IMPG1: variants seen among roughly 807,000 people sequenced by gnomAD.
IMPG1 encodes the protein interphotoreceptor matrix proteoglycan 1, also known as interphotoreceptor matrix proteoglycan of 150 kDa.
A neutral mutation model predicts 92.0 loss-of-function variants in IMPG1; 85 were observed. The observed-to-expected ratio is 0.92, with a 90% CI of 0.78 to 1.11. The LOEUF is 1.11. Among genes scored for constraint, IMPG1 ranks in the 50% least tolerant of loss-of-function variants. IMPG1 has a pLI of 0.00. For missense variants in IMPG1, 1,022 were observed against 956.0 expected (o/e 1.07, Z -0.91); for synonymous variants, 367 against 334.1 (o/e 1.10, Z -1.08).
chr6:75,979,583 C>T (rs144009010), intron 12 of IMPG1, among the ~76,000 whole-genome samples: 52 of 152,310 alleles, frequency 3.4e-4, no homozygotes, highest in Admixed American at 9.8e-4. Context: ...CTGAGAAAGG[C>T]AGGTCTACTA....
intron 13 of IMPG1, among the ~76,000 whole-genome samples, chr6:75,947,857 TAAA>T (rs5877465): frequency 2.7e-5 from 4 of 147,162 alleles, no homozygotes; most frequent in African/African-American, 1.0e-4. Flanking sequence ...GTTCAGTTAT[TAAA>T]AAAAAAAAAA....
At chr6:75,998,622 GA>G (rs963812443) in intron 12 of IMPG1, among the ~76,000 whole-genome samples, 6 of 152,180 alleles carry the variant, frequency 3.9e-5, no homozygotes, top group Admixed American at 2.0e-4. Context: ...TGTTGCAAGT[GA>G]AAAAGTCTGC....
intron 14 of IMPG1, among the ~76,000 whole-genome samples, chr6:75,945,180 C>T (rs1781904267): frequency 6.6e-6 from 1 of 152,126 alleles, no homozygotes; most frequent in African/African-American, 2.4e-5. Context: ...TTGCTGGTAC[C>T]TTAAGCAGGT....
At chr6:75,978,245 T>C (rs919710474) in intron 12 of IMPG1, among the ~76,000 whole-genome samples, 1 of 152,210 alleles carries the variant, frequency 6.6e-6, no homozygotes, top group African/African-American at 2.4e-5. Context: ...GTTCTCCCTC[T>C]TCTGCTTTGT....
intron 1 of IMPG1, among the ~76,000 whole-genome samples, chr6:76,047,467 G>T (rs189677302): frequency 2.0e-5 from 3 of 152,308 alleles, no homozygotes; most frequent in Non-Finnish European, 4.4e-5. Flanking sequence ...GGACATAGCT[G>T]TAAATGAGAT....
intron 12 of IMPG1, among the ~76,000 whole-genome samples, chr6:75,969,887 T>G (rs1474376493): frequency 2.0e-5 from 3 of 152,096 alleles, no homozygotes; most frequent in Non-Finnish European, 4.4e-5. Context: ...TTTCTATTAT[T>G]AATAATAACA....
Position 76,041,987 on chromosome 6 carries a change from T to G in IMPG1, c.207A>C (p.Lys69Asn), listed in dbSNP as rs1436064744. 1 of 1,613,928 alleles carries G rather than the reference T, an allele frequency of 6.2e-7. No homozygotes were observed. Among genetic ancestry groups the G allele is most frequent in the African/African-American group, 1.3e-5 (1 of 74,938 alleles). The change falls in exon 2 of 17, where the codon AAA becomes AAC. Residue 69 changes from lysine to asparagine, a missense_variant. By Grantham distance (94) the Lys-to-Asn change is moderately conservative. Coordinates refer to ENST00000369950, the MANE Select transcript of IMPG1 (RefSeq NM_001563.4). ...CCCCCGTTGGGAAAAATGCGGATCT[T>G]TTTGTTCGATGCTTTGCCAAATCGA... is the stretch of plus-strand genomic sequence containing the variant. ...RIFDLAKHRT[K>N]RSAFFPTGVK...
chr6:76,037,397 C>T (rs1386277442), intron 2 of IMPG1, among the ~76,000 whole-genome samples: 1 of 152,188 alleles, frequency 6.6e-6, no homozygotes, highest in African/African-American at 2.4e-5. Context: ...TGGTTTCTCA[C>T]ACTGGGGGAA....
intron 9 of IMPG1, 100 bp downstream of exon 9, chr6:76,007,380 A>T: frequency 1.2e-6 from 1 of 855,878 alleles, no homozygotes. Flanking sequence ...TAATGGGCTT[A>T]TCCAAGACAT....
At chr6:76,046,883 T>G (rs1436411130) in intron 1 of IMPG1, among the ~76,000 whole-genome samples, 1 of 152,214 alleles carries the variant, frequency 6.6e-6, no homozygotes, top group African/African-American at 2.4e-5. Context: ...TCTCTAAAGC[T>G]TTATTCAAAA....
intron 14 of IMPG1, among the ~76,000 whole-genome samples, chr6:75,937,446 A>T (rs1316574333): frequency 1.3e-5 from 2 of 151,798 alleles, no homozygotes; most frequent in Non-Finnish European, 2.9e-5. Context: ...TTTGTAAAGA[A>T]GTTATAGGGT....
At chr6:76,067,000 G>A (rs960047143) in intron 1 of IMPG1, among the ~76,000 whole-genome samples, 15 of 151,762 alleles carry the variant, frequency 9.9e-5, no homozygotes, top group Non-Finnish European at 1.8e-4. Flanking sequence ...TGAAACTTAC[G>A]AAAATAGAGA....
chr6:76,000,063 C>T (rs1782962795), intron 12 of IMPG1, among the ~76,000 whole-genome samples: 1 of 152,174 alleles, frequency 6.6e-6, no homozygotes, highest in African/African-American at 2.4e-5. Flanking sequence ...TATGAGAATT[C>T]AGCAGATAAA....
chr6:76,039,867 C>T (rs1338139294), intron 2 of IMPG1, among the ~76,000 whole-genome samples: 1 of 152,208 alleles, frequency 6.6e-6, no homozygotes, highest in Non-Finnish European at 1.5e-5. Flanking sequence ...TACCACAAAG[C>T]TCAGAACATT....
intron 1 of IMPG1, among the ~76,000 whole-genome samples, chr6:76,043,773 G>T (rs1783886441): frequency 2.0e-5 from 3 of 152,224 alleles, no homozygotes; most frequent in Non-Finnish European, 4.4e-5. Flanking sequence ...GAAAGCCAGA[G>T]GCAGGGAATG....
intron 14 of IMPG1, among the ~76,000 whole-genome samples, chr6:75,937,891 A>T (rs1781774461): frequency 6.6e-6 from 1 of 152,166 alleles, no homozygotes; most frequent in South Asian, 2.1e-4. Context: ...AATAAGTTAT[A>T]TGTGGTTTTG....
At chr6:75,968,791 TC>T (rs1782353509) in intron 12 of IMPG1, among the ~76,000 whole-genome samples, 3 of 152,166 alleles carry the variant, frequency 2.0e-5, no homozygotes, top group Non-Finnish European at 4.4e-5. Context: ...TCTTCTGCCT[TC>T]CACTATGAGA....
intron 12 of IMPG1, among the ~76,000 whole-genome samples, chr6:75,955,584 C>T (rs1040464683): frequency 1.3e-5 from 2 of 152,030 alleles, no homozygotes; most frequent in Admixed American, 6.6e-5. Context: ...ATTTGAATAC[C>T]CTTTATTTTT....
chr6:76,046,449 C>G (rs1240156765), intron 1 of IMPG1, among the ~76,000 whole-genome samples: 2 of 152,114 alleles, frequency 1.3e-5, no homozygotes, highest in Non-Finnish European at 2.9e-5. Flanking sequence ...TTCAGAACTT[C>G]TAAGTACAGA....
Sources: gnomAD v4.1 joint callset for allele counts (sites outside exome capture counted in the v4.1 genomes callset) on GRCh38, gnomAD v4.1.1 for gene constraint, MANE v1.5 for transcripts, NCBI Gene and HGNC (gene_info 2026-07-23, HGNC 2026-07-21) for gene names.